ASTN2: variants seen among roughly 807,000 people sequenced by gnomAD.
ASTN2 encodes the protein astrotactin-2.
In ASTN2, 54 loss-of-function variants were observed where a neutral mutation model predicts 139.8. The observed-to-expected ratio is 0.39, with a 90% CI of 0.31 to 0.48. The LOEUF (loss-of-function observed/expected upper bound fraction) is 0.48. Among genes scored for constraint, ASTN2 ranks in the 20% least tolerant of loss-of-function variants. The pLI is 0.95. For synonymous variants in ASTN2, 756 were observed against 719.5 expected, an observed-to-expected ratio of 1.05 and a Z score of -0.81; for missense variants, 1,565 against 1,725.1, an observed-to-expected ratio of 0.91 and a Z score of 1.64.
intron 1 of ASTN2, among the ~76,000 whole-genome samples, chr9:117,324,818 C>A (rs1828458417): frequency 6.6e-6 from 1 of 152,074 alleles, no homozygotes; most frequent in Non-Finnish European, 1.5e-5. Flanking sequence ...CTCCTGATAT[C>A]CATGGGTAGC....
rs528879410 is a variant in ASTN2 at position 117,402,052 on chromosome 9, A to G, written c.442+12445T>C. ...TGCCAGTGGAAACTATGAAAAGTTA[A>G]TTCTGAAAATCTTTTCCTGTTGTTG... On this transcript the variant is annotated intron_variant, in intron 1 of 22. Coordinates refer to ENST00000313400, the MANE Select transcript of ASTN2 (RefSeq NM_001365068.1). Among the ~76,000 whole-genome samples the G allele has an allele frequency of 3.9e-5, 6 of 152,282 alleles. No individual in the cohort carries two copies. In the South Asian group the frequency reaches 1.2e-3, roughly 32 times the overall value.
In ASTN2 at chr9:117,382,973, G is replaced by T. The variant is rs113430650; in HGVS notation, c.442+31524C>A. On this transcript the variant is annotated intron_variant, in intron 1 of 22. Transcript: ENST00000313400. ...GAAGGCAGAACTTTTTTAGTGAAGG[G>T]CCAGACAGTAAATATATTAGGCTTT... Among the ~76,000 whole-genome samples the T allele has an allele frequency of 7.8e-3, 1,184 of 152,194 alleles. 20 individuals carry two copies. The highest frequency in any genetic ancestry group is 0.027 in the African/African-American group (1,120 of 41,540).
intron 21 of ASTN2, among the ~76,000 whole-genome samples, chr9:116,441,493 C>G (rs1407301641): frequency 6.6e-6 from 1 of 151,802 alleles, no homozygotes; most frequent in Non-Finnish European, 1.5e-5. Flanking sequence ...ACACTATTTT[C>G]TACTCTGATT....
At chr9:117,229,500 C>T (rs938846688) in intron 2 of ASTN2, among the ~76,000 whole-genome samples, 12 of 152,200 alleles carry the variant, frequency 7.9e-5, no homozygotes, top group African/African-American at 2.4e-4. Flanking sequence ...ATATTGTATC[C>T]TTAAGTGGTC....
intron 1 of ASTN2, among the ~76,000 whole-genome samples, chr9:117,408,460 G>A (rs2130975953): frequency 6.6e-6 from 1 of 152,226 alleles, no homozygotes; most frequent in African/African-American, 2.4e-5. Flanking sequence ...CATTCAAGAG[G>A]TCGCTGTCAG....
At chr9:116,602,098 G>A (rs1471469954) in intron 19 of ASTN2, among the ~76,000 whole-genome samples, 2 of 152,196 alleles carry the variant, frequency 1.3e-5, no homozygotes, top group Admixed American at 6.5e-5. Flanking sequence ...AATGCATAGA[G>A]ATATGAAGTA....
intron 7 of ASTN2, among the ~76,000 whole-genome samples, chr9:116,992,357 C>G (rs1836884091): frequency 6.6e-6 from 1 of 152,138 alleles, no homozygotes; most frequent in Admixed American, 6.5e-5. Flanking sequence ...TCCACAGTGC[C>G]CAATCCTACT....
chr9:116,522,671 C>T (rs1564340517), intron 19 of ASTN2, among the ~76,000 whole-genome samples: 3 of 151,990 alleles, frequency 2.0e-5, no homozygotes, highest in Admixed American at 2.0e-4. Flanking sequence ...GAAGTAAAAA[C>T]ATAAACAATT....
intron 5 of ASTN2, among the ~76,000 whole-genome samples, chr9:117,077,037 T>C (rs893235001): frequency 3.3e-5 from 5 of 152,102 alleles, no homozygotes; most frequent in African/African-American, 4.8e-5. Context: ...ATTTCACTAA[T>C]CGCCCGGCTG....
At chr9:116,554,213 A>G (rs1852487253) in intron 19 of ASTN2, among the ~76,000 whole-genome samples, 1 of 152,180 alleles carries the variant, frequency 6.6e-6, no homozygotes, top group Non-Finnish European at 1.5e-5. Context: ...CCACAGAGAC[A>G]CAGTGTTGCT....
At chr9:117,132,248 G>A (rs1260186080) in intron 4 of ASTN2, among the ~76,000 whole-genome samples, 3 of 152,184 alleles carry the variant, frequency 2.0e-5, no homozygotes, top group Non-Finnish European at 2.9e-5. Context: ...CTAGCCAGAG[G>A]TGCATGAGAT....
At chr9:116,656,323 T>C (rs1858209067) in intron 16 of ASTN2, among the ~76,000 whole-genome samples, 1 of 152,196 alleles carries the variant, frequency 6.6e-6, no homozygotes, top group African/African-American at 2.4e-5. Context: ...AACATACAAC[T>C]TCTTCCCAAA....
chr9:117,367,416 A>ATTTGCTAT (rs1274694490), intron 1 of ASTN2, among the ~76,000 whole-genome samples: 35 of 152,272 alleles, frequency 2.3e-4, no homozygotes, highest in African/African-American at 7.0e-4. Flanking sequence ...CTCTGTGACC[A>ATTTGCTAT]TTTGCTATTT....
At chr9:116,587,057 T>TG (rs1278305658) in intron 19 of ASTN2, among the ~76,000 whole-genome samples, 2 of 152,010 alleles carry the variant, frequency 1.3e-5, no homozygotes, top group Non-Finnish European at 2.9e-5. Context: ...AAAGCAACAC[T>TG]GGGCCAAGCG....
intron 5 of ASTN2, among the ~76,000 whole-genome samples, chr9:117,063,018 T>C (rs1326635704): frequency 6.6e-6 from 1 of 152,194 alleles, no homozygotes; most frequent in Non-Finnish European, 1.5e-5. Context: ...CCTCGGAAGC[T>C]AACCAACCTG....
chr9:117,261,487 T>C (rs777790983), intron 2 of ASTN2, among the ~76,000 whole-genome samples: 10 of 152,166 alleles, frequency 6.6e-5, no homozygotes, highest in African/African-American at 9.7e-5. Flanking sequence ...ATTCACCAGG[T>C]GTTATCTCTA....
chr9:116,717,140 G>A (rs1419892841), intron 16 of ASTN2, among the ~76,000 whole-genome samples: 1 of 152,196 alleles, frequency 6.6e-6, no homozygotes, highest in Non-Finnish European at 1.5e-5. Flanking sequence ...CAGACTTTTT[G>A]TGAGGAGTAA....
At chr9:116,839,842 TTTA>T (rs1049213442) in intron 11 of ASTN2, among the ~76,000 whole-genome samples, 3,972 of 117,892 alleles carry the variant, frequency 0.034, 88 homozygotes, top group African/African-American at 0.075. Flanking sequence ...AGCTGATTTT[TTTA>T]TTTTATTTTA....
chr9:116,881,905 G>T (rs1564320552), intron 10 of ASTN2, among the ~76,000 whole-genome samples: 1 of 150,944 alleles, frequency 6.6e-6, no homozygotes, highest in Non-Finnish European at 1.5e-5. Context: ...GAAGCATCAA[G>T]AATATTTGTA....
Sources: allele counts gnomAD v4.1 joint callset (sites outside exome capture counted in the v4.1 genomes callset), GRCh38; gene constraint gnomAD v4.1.1; transcripts MANE v1.5; gene names NCBI Gene and HGNC (gene_info 2026-07-23, HGNC 2026-07-21).